Variants in OSBPL1A observed in about 807,000 individuals in gnomAD.
OSBPL1A encodes the protein oxysterol binding protein like 1A, also known as oxysterol-binding protein-related protein 1.
In OSBPL1A, 80 loss-of-function variants were observed where a neutral mutation model predicts 137.1. The observed-to-expected ratio is 0.58, with a 90% CI of 0.49 to 0.70. The LOEUF is 0.70. Among genes scored for constraint, OSBPL1A ranks in the 30% least tolerant of loss-of-function variants. The pLI, the probability that OSBPL1A is intolerant of heterozygous loss-of-function variation, is 0.00. For missense variants in OSBPL1A, 970 were observed against 1,129.4 expected (o/e 0.86, Z 2.02); for synonymous variants, 365 against 389.7 (o/e 0.94, Z 0.75).
intron 13 of OSBPL1A, among the ~76,000 whole-genome samples, chr18:24,303,991 T>C (rs1266630752): frequency 1.3e-5 from 2 of 152,228 alleles, no homozygotes; most frequent in Non-Finnish European, 2.9e-5. Context: ...TTACTATTAC[T>C]ATCTCATTAT....
At position 24,225,114 on chromosome 18, in the gene OSBPL1A, C is replaced by T; in HGVS notation, c.1529G>A (p.Arg510Lys). ...TTTTTCTTCGGACATTCTGTGTTTT[C>T]TACTGCCCAAATGCTCTCCTTCCTC... ...FEEEGEHLGS[R>K]KHRMSEEKDC... The change falls in exon 17 of 28, where the codon AGA (arginine) becomes AAA (lysine). Residue 510 changes from arginine (R) to lysine (K), a missense_variant. By Grantham distance (26) the Arg-to-Lys change is conservative. Coordinates refer to ENST00000319481, the MANE Select transcript of OSBPL1A (RefSeq NM_080597.4). 1 of 1,614,204 alleles carries T rather than the reference C, an allele frequency of 6.2e-7. No homozygotes were observed. Among genetic ancestry groups the T allele is most frequent in the African/African-American group, 1.3e-5 (1 of 75,062 alleles).
At chr18:24,220,514 T>C (rs1469760426) in intron 17 of OSBPL1A, among the ~76,000 whole-genome samples, 1 of 152,116 alleles carries the variant, frequency 6.6e-6, no homozygotes, top group Non-Finnish European at 1.5e-5. Flanking sequence ...GAACCACTGT[T>C]CCCTCCAGCC....
At chr18:24,262,115 GA>G (rs2089456953) in intron 15 of OSBPL1A, among the ~76,000 whole-genome samples, 1 of 152,086 alleles carries the variant, frequency 6.6e-6, no homozygotes, top group African/African-American at 2.4e-5. Context: ...TATAATTAGC[GA>G]AATATTTTAA....
intron 18 of OSBPL1A, among the ~76,000 whole-genome samples, chr18:24,188,572 G>C (rs771485882): frequency 6.6e-6 from 1 of 152,110 alleles, no homozygotes; most frequent in Non-Finnish European, 1.5e-5. Flanking sequence ...CAGAATGAAC[G>C]CATTCAAGAA....
At chr18:24,190,913 A>C (rs1442216819) in intron 18 of OSBPL1A, among the ~76,000 whole-genome samples, 2 of 150,144 alleles carry the variant, frequency 1.3e-5, no homozygotes, top group Non-Finnish European at 2.9e-5. Flanking sequence ...TATGTAGCAG[A>C]CATTCTGTAC....
At chr18:24,370,839 T>C (rs1599725635) in intron 2 of OSBPL1A, among the ~76,000 whole-genome samples, 1 of 152,240 alleles carries the variant, frequency 6.6e-6, no homozygotes, top group Admixed American at 6.5e-5. Context: ...GGCTAATATT[T>C]GGATTCTTTT....
intron 18 of OSBPL1A, among the ~76,000 whole-genome samples, chr18:24,190,351 A>G (rs2086857826): frequency 2.5e-5 from 2 of 79,958 alleles, no homozygotes; most frequent in South Asian, 7.2e-4. Flanking sequence ...CTACTGAAAA[A>G]AAAAAAAAAA....
intron 14 of OSBPL1A, among the ~76,000 whole-genome samples, chr18:24,302,147 T>C (rs1170061354): frequency 1.4e-5 from 2 of 146,622 alleles, no homozygotes; most frequent in East Asian, 2.1e-4. Flanking sequence ...GGCAGGAGAA[T>C]GGCATGAACA....
intron 1 of OSBPL1A, among the ~76,000 whole-genome samples, chr18:24,390,444 AG>A (rs1343502470): frequency 6.6e-6 from 1 of 152,174 alleles, no homozygotes; most frequent in East Asian, 1.9e-4. Flanking sequence ...TATAATCCCA[AG>A]ACTTTGGGAG....
At chr18:24,235,488 T>A (rs565176345) in intron 16 of OSBPL1A, among the ~76,000 whole-genome samples, 1 of 152,248 alleles carries the variant, frequency 6.6e-6, no homozygotes, top group East Asian at 1.9e-4. Context: ...TACCCTCCAT[T>A]AGTAAAACAC....
intron 15 of OSBPL1A, among the ~76,000 whole-genome samples, chr18:24,267,247 C>A (rs2089601803): frequency 6.7e-6 from 1 of 150,042 alleles, no homozygotes; most frequent in African/African-American, 2.4e-5. Flanking sequence ...CAAAACTGAC[C>A]CAAAAAGAAA....
rs34842395 is a variant in OSBPL1A at position 24,333,013 on chromosome 18, T to C, written c.554A>G (p.Tyr185Cys). The stretch of plus-strand genomic sequence containing the variant: ...TAAGGCACATTGTTTATGGGCCCGG[T>C]AAGCTGCACAATGCAAGGGTGTATT... The part of the protein sequence containing the change: ...LGNTPLHCAA[Y>C]RAHKQCALKL... The change falls in exon 7 of 28, where the codon TAC becomes TGC. Residue 185 changes from tyrosine to cysteine, a missense_variant. Physicochemically the swap from Tyr to Cys is radical, Grantham distance 194 (BLOSUM62 -2). Transcript: ENST00000319481. 1.9e-6 allele frequency: 3 copies of C among 1,614,096 alleles called. No individual in the cohort carries two copies. The African/African-American group carries it at 4.0e-5, about 22-fold the overall frequency.
intron 12 of OSBPL1A, 83 bp from the exon 13 acceptor site, chr18:24,312,189 A>T: frequency 6.6e-7 from 1 of 1,506,558 alleles, no homozygotes. Flanking sequence ...GATAAGCATA[A>T]AATTTACCTA....
At chr18:24,329,184 T>C (rs529210096) in intron 7 of OSBPL1A, among the ~76,000 whole-genome samples, 1 of 152,256 alleles carries the variant, frequency 6.6e-6, no homozygotes, top group East Asian at 1.9e-4. Flanking sequence ...AGTTTGAGGC[T>C]GCAGTGAGCA....
intron 12 of OSBPL1A, 99 bp downstream of exon 12, chr18:24,314,150 A>C (rs2090675589): frequency 1.4e-6 from 1 of 699,274 alleles, no homozygotes; most frequent in African/African-American, 1.8e-5. Context: ...AAGTACAATC[A>C]ACAAGATGTT....
chr18:24,346,737 T>A (rs1050803958), intron 4 of OSBPL1A, among the ~76,000 whole-genome samples: 1 of 152,106 alleles, frequency 6.6e-6, no homozygotes, highest in Non-Finnish European at 1.5e-5. Context: ...ATTTCTACTT[T>A]TTATTTTTAT....
At chr18:24,183,449 TG>T (rs1409915294) in intron 18 of OSBPL1A, among the ~76,000 whole-genome samples, 12 of 151,360 alleles carry the variant, frequency 7.9e-5, no homozygotes, top group Admixed American at 6.6e-4. Flanking sequence ...TTTTTTTTTT[TG>T]AGGCGGAGTT....
At chr18:24,289,174 C>T (rs528355708) in intron 14 of OSBPL1A, among the ~76,000 whole-genome samples, 1 of 152,246 alleles carries the variant, frequency 6.6e-6, no homozygotes, top group South Asian at 2.1e-4. Flanking sequence ...GGAAAGGAAA[C>T]TCCTGCTCTA....
At position 24,271,627 on chromosome 18, in the gene OSBPL1A, C is replaced by T; in HGVS notation, c.1281+9215G>A. The T allele has an allele frequency of 1.0e-6, 1 of 985,882 alleles. No homozygotes were observed. Among genetic ancestry groups the T allele is most frequent in the South Asian group, 4.7e-5 (1 of 21,298 alleles). 61.1% of individuals were successfully genotyped at this position (985,882 alleles called of 1,614,324 possible). ...CTGCAAATACACCCACCTACCTGGGCCAGATCCGAGGACCCCGGCTGGCGC... is the reference window on the plus strand; with the variant it reads ...CTGCAAATACACCCACCTACCTGGGTCAGATCCGAGGACCCCGGCTGGCGC... On this transcript the variant is annotated intron_variant, in intron 15 of 27. Transcript: ENST00000319481. This position sits in a 1 kb window ranked among gnomAD's most constrained non-coding sequence, Gnocchi z 4.0.
Sources: gnomAD v4.1 joint callset for allele counts (sites outside exome capture counted in the v4.1 genomes callset) on GRCh38, gnomAD v4.1.1 for gene constraint, Gnocchi (gnomAD v3.1) non-coding constraint, MANE v1.5 for transcripts, NCBI Gene and HGNC (gene_info 2026-07-23, HGNC 2026-07-21) for gene names.